The following ARHGAP15 variants were observed in gnomAD, a reference collection of about 807,000 sequenced individuals.
The protein encoded by ARHGAP15 is Rho GTPase activating protein 15.
Under a neutral mutation model 63.7 loss-of-function variants are expected in ARHGAP15, and 51 were observed. That is an observed-to-expected ratio of 0.80 (90% CI 0.64 to 1.01). ARHGAP15 has a LOEUF of 1.01. ARHGAP15 is among the 50% of genes least tolerant of loss of function. ARHGAP15 has a pLI of 0.00. For synonymous variants in ARHGAP15, 191 were observed against 193.8 expected, an observed-to-expected ratio of 0.99 and a Z score of 0.12; for missense variants, 560 against 564.6, an observed-to-expected ratio of 0.99 and a Z score of 0.08.
At chr2:143,421,766 GTATATATATATATATATA>G (rs59677710) in intron 6 of ARHGAP15, among the ~76,000 whole-genome samples, 28,092 of 108,900 alleles carry the variant, frequency 0.26, 3,221 homozygotes, top group East Asian at 0.53. Context: ...TGCACATGGT[GTATATATATATATATATA>G]TATATATATA....
chr2:143,320,073 A>G (rs981509223), intron 6 of ARHGAP15, among the ~76,000 whole-genome samples: 1 of 152,198 alleles, frequency 6.6e-6, no homozygotes, highest in Non-Finnish European at 1.5e-5. Context: ...CCAAACATGA[A>G]ACGTCTCCTC....
intron 6 of ARHGAP15, among the ~76,000 whole-genome samples, chr2:143,337,167 T>A (rs1325646798): frequency 2.6e-5 from 4 of 151,786 alleles, no homozygotes; most frequent in Admixed American, 6.6e-5. Context: ...CCAGACTGAG[T>A]GAAGAGAGTG....
intron 6 of ARHGAP15, among the ~76,000 whole-genome samples, chr2:143,261,538 G>A (rs537344148): frequency 1.3e-3 from 196 of 151,102 alleles, no homozygotes; most frequent in Non-Finnish European, 2.5e-3. Context: ...TAGTAGAGAC[G>A]GGGTTTCACC....
At chr2:143,656,721 C>G (rs892275378) in intron 12 of ARHGAP15, among the ~76,000 whole-genome samples, 1 of 152,174 alleles carries the variant, frequency 6.6e-6, no homozygotes, top group Admixed American at 6.5e-5. Context: ...AAAGTGCTTT[C>G]TAAAAGCAGT....
At chr2:143,638,670 AAAAG>A (rs1289392473) in intron 12 of ARHGAP15, among the ~76,000 whole-genome samples, 3 of 112,806 alleles carry the variant, frequency 2.7e-5, no homozygotes, top group African/African-American at 3.6e-5. Context: ...ATAAATAAAT[AAAAG>A]AAAAAAAAAT....
intron 6 of ARHGAP15, among the ~76,000 whole-genome samples, chr2:143,330,106 A>AAAAAAAAAAAAC (rs1684453112): frequency 4.9e-5 from 4 of 80,808 alleles, no homozygotes; most frequent in South Asian, 4.3e-4. Context: ...AAAAAAAAAA[A>AAAAAAAAAAAAC]AAAAAAAAAA....
At chr2:143,562,795 A>G (rs187821454) in intron 11 of ARHGAP15, among the ~76,000 whole-genome samples, 20 of 152,328 alleles carry the variant, frequency 1.3e-4, no homozygotes, top group African/African-American at 4.1e-4. Flanking sequence ...ATGTATTGGC[A>G]TTAGTAAATA....
intron 10 of ARHGAP15, among the ~76,000 whole-genome samples, chr2:143,531,492 G>C (rs11887074): frequency 6.6e-6 from 1 of 151,904 alleles, no homozygotes; most frequent in African/African-American, 2.4e-5. Context: ...TTTGTAAATA[G>C]CAGGTTTATA....
chr2:143,601,894 C>T (rs977399036), intron 11 of ARHGAP15, among the ~76,000 whole-genome samples: 1 of 152,076 alleles, frequency 6.6e-6, no homozygotes, highest in Non-Finnish European at 1.5e-5. Flanking sequence ...CTTAGCTTAC[C>T]TTTTTTACAA....
At chr2:143,348,240 G>A (rs1279602327) in intron 6 of ARHGAP15, among the ~76,000 whole-genome samples, 6 of 152,170 alleles carry the variant, frequency 3.9e-5, no homozygotes, top group African/African-American at 1.4e-4. Context: ...ATTACTGCGT[G>A]TGTGTTTAAG....
At chr2:143,699,517 A>C (rs570092460) in intron 12 of ARHGAP15, among the ~76,000 whole-genome samples, 96 of 152,310 alleles carry the variant, frequency 6.3e-4, no homozygotes, top group African/African-American at 2.2e-3. Context: ...CTTATAGGCA[A>C]ACTTGGAAAC....
intron 9 of ARHGAP15, 194 bp from the exon 10 acceptor site, chr2:143,519,072 G>A (rs1298664413): frequency 4.7e-6 from 2 of 423,360 alleles, no homozygotes; most frequent in African/African-American, 2.1e-5. Flanking sequence ...TCTCACTCTG[G>A]GGCGAGGGTC....
intron 1 of ARHGAP15, among the ~76,000 whole-genome samples, chr2:143,150,759 CA>C (rs2105001478): frequency 6.6e-6 from 1 of 151,992 alleles, no homozygotes; most frequent in South Asian, 2.1e-4. Context: ...CATAAAAACA[CA>C]AGGCATCAAA....
chr2:143,267,863 TCTAG>T (rs1302799724), intron 6 of ARHGAP15, among the ~76,000 whole-genome samples: 14 of 152,246 alleles, frequency 9.2e-5, no homozygotes, highest in Admixed American at 6.5e-4. Flanking sequence ...AAATATTTTC[TCTAG>T]CTAGTTTTAT....
chr2:143,591,692 C>T (rs1697328775), intron 11 of ARHGAP15, among the ~76,000 whole-genome samples: 1 of 150,532 alleles, frequency 6.6e-6, no homozygotes, highest in African/African-American at 2.4e-5. Flanking sequence ...ACGATCTCGG[C>T]TCACGCAACC....
intron 9 of ARHGAP15, among the ~76,000 whole-genome samples, chr2:143,491,534 A>G (rs1312735939): frequency 6.6e-6 from 1 of 152,252 alleles, no homozygotes; most frequent in African/African-American, 2.4e-5. Flanking sequence ...TGAAATTAGT[A>G]TCATATTACT....
Position 143,612,961 on chromosome 2 carries a change from T to C in ARHGAP15, c.1004-11172T>C, listed in dbSNP as rs530705837. 1.2e-4 allele frequency among the ~76,000 whole-genome samples: 18 copies of C among 152,350 alleles called. No individual in the cohort carries two copies. In the South Asian group the frequency reaches 3.5e-3, roughly 30 times the overall value. The stretch of plus-strand genomic sequence containing the variant: ...CTATTATTGGTTTTCTAGTAGTTTA[T>C]ACCTTTACTACAATGCTCAATGACG... On this transcript the variant is annotated intron_variant, in intron 11 of 13. Transcript: ENST00000295095.
intron 10 of ARHGAP15, among the ~76,000 whole-genome samples, chr2:143,536,522 C>T (rs1230528825): frequency 2.4e-5 from 3 of 127,204 alleles, no homozygotes; most frequent in Non-Finnish European, 4.9e-5. Flanking sequence ...ATCCCTCCCC[C>T]CTCCCCCCAC....
intron 2 of ARHGAP15, among the ~76,000 whole-genome samples, chr2:143,171,369 C>T (rs985644685): frequency 6.6e-6 from 1 of 152,096 alleles, no homozygotes; most frequent in Non-Finnish European, 1.5e-5. Flanking sequence ...CTTTGCTCCT[C>T]TTTCTATATC....
Sources: gnomAD v4.1 joint callset for allele counts (sites outside exome capture counted in the v4.1 genomes callset) on GRCh38, gnomAD v4.1.1 for gene constraint, MANE v1.5 for transcripts, NCBI Gene and HGNC (gene_info 2026-07-23, HGNC 2026-07-21) for gene names.